RBBP8NL: variants seen among roughly 807,000 people sequenced by gnomAD.
The protein encoded by RBBP8NL is RBBP8 N-terminal like.
A neutral mutation model predicts 62.2 loss-of-function variants in RBBP8NL; 59 were observed. The observed-to-expected ratio is 0.95, with a 90% CI of 0.77 to 1.18. The LOEUF (loss-of-function observed/expected upper bound fraction) is 1.18, where lower values mean the gene tolerates loss of function less well. RBBP8NL is among the 50% of genes most tolerant of loss of function. RBBP8NL has a pLI of 0.00. For synonymous variants in RBBP8NL, 412 were observed against 394.1 expected (o/e 1.05, Z -0.54); for missense variants, 896 against 899.5 (o/e 1.00, Z 0.05).
At position 62,419,676 on chromosome 20, in the gene RBBP8NL, T is replaced by A. The variant is rs752331191; in HGVS notation, c.-29A>T. On this transcript the variant is annotated 5_prime_UTR_variant, in exon 2 of 14. Transcript: ENST00000252998. ...TCCCTGTGGCCCTGGCCCGGGCCCC[T>A]CTGCGCTGGGGTTGTGGAGACGCCT... 45 of 1,611,390 alleles carry A rather than the reference T, an allele frequency of 2.8e-5. No homozygotes were observed. The highest frequency in any genetic ancestry group is 3.7e-5 in the Non-Finnish European group (44 of 1,179,462).
chr20:62,414,145 G>A lies in RBBP8NL; in HGVS notation c.1206C>T (p.Thr402=). The change falls in exon 10 of 14, where the codon ACC becomes ACT. Residue 402 remains threonine, a synonymous_variant. Coordinates refer to ENST00000252998, the MANE Select transcript of RBBP8NL (RefSeq NM_080833.3). ...GGCCTGCTGCGGCCAGAGCTGCCCT[G>A]GTCCCCTCATTCTCAGGGCCCTCAG... ...SDSEGPENEG[T]RAALAAAGLS... The A allele has an allele frequency of 1.2e-6, 2 of 1,604,898 alleles. No homozygotes were observed. Among genetic ancestry groups the A allele is most frequent in the South Asian group, 1.1e-5 (1 of 89,566 alleles).
At chr20:62,416,737 G>A in intron 5 of RBBP8NL, 23 bp downstream of exon 5, 1 of 1,531,366 alleles carries the variant, frequency 6.5e-7, no homozygotes, top group Non-Finnish European at 8.9e-7. Context: ...GAGGACCCCG[G>A]TTGTCTGGTG....
chr20:62,425,430 G>A (rs1402603543), intron 1 of RBBP8NL, among the ~76,000 whole-genome samples: 1 of 152,202 alleles, frequency 6.6e-6, no homozygotes, highest in Non-Finnish European at 1.5e-5. Flanking sequence ...ATGGGCTCAC[G>A]GCATCTCTGT....
intron 1 of RBBP8NL, among the ~76,000 whole-genome samples, chr20:62,426,886 C>G (rs921789683): frequency 2.0e-5 from 3 of 152,234 alleles, no homozygotes; most frequent in Non-Finnish European, 2.9e-5. Flanking sequence ...GACTCCCTCC[C>G]GGAGGTGGAG....
At position 62,419,585 on chromosome 20, in the gene RBBP8NL, AC is replaced by A. The variant is rs1175577025; in HGVS notation, c.61+1del. The A allele has an allele frequency of 6.2e-7, 1 of 1,613,346 alleles. No individual in the cohort carries two copies. Among genetic ancestry groups the A allele is most frequent in the Admixed American group, 1.7e-5 (1 of 59,990 alleles). ...GCCTGGCATCTGTCCCTGGCCCCTC[AC>A]CCAGGACTTCCTTCTCGTGGATCTC... On this transcript the variant is annotated splice_donor_variant, in intron 2 of 13. Coordinates refer to ENST00000252998, the MANE Select transcript of RBBP8NL (RefSeq NM_080833.3). LOFTEE classifies it high-confidence loss of function.
chr20:62,412,980 A>T, intron 11 of RBBP8NL, 80 bp from the exon 12 acceptor site: 1 of 1,502,782 alleles, frequency 6.7e-7, no homozygotes. Flanking sequence ...GGATGGGTGG[A>T]GCCAACTCTG....
chr20:62,417,125 TG>T, intron 4 of RBBP8NL, 98 bp downstream of exon 4: 1 of 910,054 alleles, frequency 1.1e-6, no homozygotes, highest in Non-Finnish European at 1.7e-6. Flanking sequence ...CAGTTTATCC[TG>T]GAGTTTCCCA....
chr20:62,421,239 G>T (rs1210418136), intron 1 of RBBP8NL, among the ~76,000 whole-genome samples: 1 of 151,434 alleles, frequency 6.6e-6, no homozygotes. Flanking sequence ...GTGCACGCCC[G>T]AGCCAGTGTG....
In RBBP8NL at chr20:62,414,269, T is replaced by C; in HGVS notation, c.1082A>G (p.Gln361Arg). 1.3e-6 allele frequency: 2 copies of C among 1,587,328 alleles called. No individual in the cohort carries two copies. The highest frequency in any genetic ancestry group is 1.7e-6 in the Non-Finnish European group (2 of 1,168,856). ...CCTGGCCCTAGCCCGCAGCTGCTGC[T>C]GGGCCAGGAGCAGGTGCAGTGCCCC... ...LEGALHLLLA[Q>R]QQLRARARAG... The change falls in exon 10 of 14, where the codon CAG (glutamine) becomes CGG (arginine). Residue 361 changes from glutamine (Q) to arginine (R), a missense_variant. By Grantham distance (43) the Gln-to-Arg change is conservative (BLOSUM62 1). Coordinates refer to ENST00000252998, the MANE Select transcript of RBBP8NL (RefSeq NM_080833.3).
intron 13 of RBBP8NL, among the ~76,000 whole-genome samples, chr20:62,411,880 G>A (rs1730692304): frequency 6.6e-6 from 1 of 152,272 alleles, no homozygotes; most frequent in African/African-American, 2.4e-5. Context: ...GCCACCTGCC[G>A]GCAACAATGG....
intron 9 of RBBP8NL, 139 bp downstream of exon 9, chr20:62,414,982 C>T: frequency 1.1e-6 from 1 of 950,288 alleles, no homozygotes. Context: ...GAACTTTGCT[C>T]CAGGCTGGGT....
At chr20:62,420,949 T>C (rs1421786730) in intron 1 of RBBP8NL, among the ~76,000 whole-genome samples, 1 of 152,186 alleles carries the variant, frequency 6.6e-6, no homozygotes, top group Admixed American at 6.5e-5. Context: ...CGTCAAACCC[T>C]CCCAGACCTT....
intron 10 of RBBP8NL, 131 bp from the exon 11 acceptor site, chr20:62,413,676 G>A: frequency 7.2e-7 from 1 of 1,397,894 alleles, no homozygotes; most frequent in Non-Finnish European, 9.6e-7. Context: ...CCTTTATAGT[G>A]TGGATGAGGC....
Position 62,415,889 on chromosome 20 carries a change from A to G in RBBP8NL, c.443T>C (p.Leu148Pro), listed in dbSNP as rs758335519. 6.2e-7 allele frequency: 1 copy of G among 1,602,820 alleles called. No individual in the cohort carries two copies. The highest frequency in any genetic ancestry group is 8.5e-7 in the Non-Finnish European group (1 of 1,176,198). ...EGTSDPPSPL[L>P]LPSPGGWKAI... ...CTTCCAGCCACCAGGGGAGGGGAGC[A>G]GCAGGGGTGAGGGGGGGTCCGAGGT... The change falls in exon 7 of 14, where the codon CTG (leucine) becomes CCG (proline). Residue 148 changes from leucine to proline, a missense_variant. Physicochemically the swap from Leu to Pro is moderately conservative, Grantham distance 98. Coordinates refer to ENST00000252998, the MANE Select transcript of RBBP8NL (RefSeq NM_080833.3).
chr20:62,418,146 G>A lies in RBBP8NL; in HGVS notation c.104+277C>T, dbSNP rs1247449852. Among the ~76,000 whole-genome samples the A allele has an allele frequency of 2.6e-5, 4 of 152,216 alleles. No individual in the cohort carries two copies. In the East Asian group the frequency reaches 5.8e-4, roughly 22 times the overall value. ...GACATGACCCCAGCTCACCGTGAACGTATTGTTGATATTCTGATCATGATC... is the reference window on the plus strand; with the variant it reads ...GACATGACCCCAGCTCACCGTGAACATATTGTTGATATTCTGATCATGATC... On this transcript the variant is annotated intron_variant, in intron 3 of 13. Coordinates refer to ENST00000252998, the MANE Select transcript of RBBP8NL (RefSeq NM_080833.3).
intron 1 of RBBP8NL, among the ~76,000 whole-genome samples, chr20:62,427,138 G>A (rs1988828720): frequency 6.6e-6 from 1 of 152,194 alleles, no homozygotes; most frequent in Non-Finnish European, 1.5e-5. Flanking sequence ...GGTGGAGGGC[G>A]AGGCCACCAG....
chr20:62,410,722 G>A lies in RBBP8NL; in HGVS notation c.*156C>T, dbSNP rs1988413951. 2 of 663,806 alleles carry A rather than the reference G, an allele frequency of 3.0e-6. No individual in the cohort carries two copies. The highest frequency in any genetic ancestry group is 2.4e-5 in the Admixed American group (1 of 41,386). 41.1% of individuals were successfully genotyped at this position (663,806 alleles called of 1,614,324 possible). ...GGCTGTGGTGAGCAGGCAGAGAGCT[G>A]CCCTGGGCTCACTGTGGGTTCAGCT... On this transcript the variant is annotated 3_prime_UTR_variant, in exon 14 of 14. Transcript: ENST00000252998.
chr20:62,418,094 G>A (rs1244321894), intron 3 of RBBP8NL, among the ~76,000 whole-genome samples: 1 of 152,230 alleles, frequency 6.6e-6, no homozygotes, highest in Non-Finnish European at 1.5e-5. Context: ...AACGCAGGGA[G>A]CCTGCCCGCC....
chr20:62,415,344 T>C, intron 8 of RBBP8NL, 57 bp from the exon 9 acceptor site: 7 of 1,501,650 alleles, frequency 4.7e-6, no homozygotes, highest in Non-Finnish European at 6.2e-6. Flanking sequence ...TGCTGTGGCC[T>C]CTGCCATAGC....
Sources: allele counts gnomAD v4.1 joint callset (sites outside exome capture counted in the v4.1 genomes callset), GRCh38; gene constraint gnomAD v4.1.1; transcripts MANE v1.5; gene names NCBI Gene and HGNC (gene_info 2026-07-23, HGNC 2026-07-21).